SIK3: variants seen among roughly 807,000 people sequenced by gnomAD.
The protein encoded by SIK3 is SIK family kinase 3.
Under a neutral mutation model 144.2 loss-of-function variants are expected in SIK3, and 28 were observed. The ratio of observed to expected loss-of-function variants is 0.19; its 90% CI spans 0.14 to 0.27. SIK3 has a LOEUF of 0.27. Ranked by LOEUF, SIK3 falls within the 10% of genes least tolerant of loss-of-function variation. SIK3 has a pLI of 1.00. For missense variants in SIK3, 1,319 were observed against 1,776.0 expected (o/e 0.74, Z 4.62); for synonymous variants, 686 against 676.3 (o/e 1.01, Z -0.22).
At chr11:117,023,621 A>AAATATATATATATATAT (rs754624841) in intron 1 of SIK3, among the ~76,000 whole-genome samples, 20 of 95,410 alleles carry the variant, frequency 2.1e-4, no homozygotes, top group African/African-American at 7.8e-4. Flanking sequence ...AAAAAAAAAA[A>AAATATATATATATATAT]ATATATATAT....
chr11:116,877,072 C>T, intron 6 of SIK3, 30 bp from the exon 7 acceptor site: 1 of 1,602,480 alleles, frequency 6.2e-7, no homozygotes, highest in Non-Finnish European at 8.6e-7. Flanking sequence ...TGCCTTCAGT[C>T]TCTGGTGAGG....
intron 1 of SIK3, among the ~76,000 whole-genome samples, chr11:117,084,066 G>T (rs1954902330): frequency 6.6e-6 from 1 of 152,048 alleles, no homozygotes; most frequent in African/African-American, 2.4e-5. Flanking sequence ...TAACAGCTTT[G>T]ACTTCTTTAT....
chr11:116,875,743 A>G (rs906115681), intron 9 of SIK3, 123 bp downstream of exon 9: 1 of 1,217,438 alleles, frequency 8.2e-7, no homozygotes, highest in Non-Finnish European at 1.1e-6. Flanking sequence ...AGAGATGACA[A>G]ATGGGAGGAG....
At chr11:117,031,568 C>G (rs891027725) in intron 1 of SIK3, among the ~76,000 whole-genome samples, 1 of 151,074 alleles carries the variant, frequency 6.6e-6, no homozygotes, top group South Asian at 2.1e-4. Context: ...GTTTCCCAGG[C>G]TGGAGTGCAA....
chr11:116,938,602 A>G (rs1298770906), intron 3 of SIK3, among the ~76,000 whole-genome samples: 267 of 12,548 alleles, frequency 0.021, 4 homozygotes, highest in African/African-American at 0.037. Flanking sequence ...AGAGGGGAGG[A>G]GAGGAGAGGA....
chr11:116,900,980 T>C (rs1344739441), intron 4 of SIK3, among the ~76,000 whole-genome samples: 3 of 152,112 alleles, frequency 2.0e-5, no homozygotes, highest in Non-Finnish European at 4.4e-5. Context: ...TTCTCCTGCC[T>C]CAGCCTCCCA....
chr11:116,995,533 G>A (rs1284122351), intron 1 of SIK3, among the ~76,000 whole-genome samples: 2 of 151,964 alleles, frequency 1.3e-5, no homozygotes, highest in Admixed American at 6.6e-5. Context: ...CAAAGTGCTG[G>A]GATTACAGGT....
At chr11:116,898,244 G>A (rs924424334) in intron 4 of SIK3, among the ~76,000 whole-genome samples, 65 of 151,962 alleles carry the variant, frequency 4.3e-4, no homozygotes, top group Non-Finnish European at 8.2e-4. Context: ...TTGTTCTTGC[G>A]ATAGTTTACT....
chr11:117,053,359 G>C (rs572812172), intron 1 of SIK3, among the ~76,000 whole-genome samples: 115 of 150,292 alleles, frequency 7.7e-4, no homozygotes, highest in African/African-American at 2.7e-3. Flanking sequence ...AAAAAGTAAA[G>C]TGGCAAATGC....
intron 1 of SIK3, among the ~76,000 whole-genome samples, chr11:117,091,442 G>A (rs187702464): frequency 1.1e-3 from 169 of 152,120 alleles, no homozygotes; most frequent in Non-Finnish European, 2.0e-3. Context: ...CTGACCTCAG[G>A]TGATCCACCT....
chr11:117,019,506 T>C (rs1344500427), intron 1 of SIK3, among the ~76,000 whole-genome samples: 2 of 152,184 alleles, frequency 1.3e-5, no homozygotes, highest in Admixed American at 1.3e-4. Context: ...AATTACTAAG[T>C]AAATTTTAAA....
chr11:116,873,948 C>T lies in SIK3; in HGVS notation c.1536G>A (p.Leu512=). The change falls in exon 12 of 25, where the codon CTG becomes CTA. Residue 512 remains leucine, a synonymous_variant. Coordinates refer to ENST00000445177, the MANE Select transcript of SIK3 (RefSeq NM_001366686.3). ...TTGGTTGCAAGTTTTGCATAGGCAA[C>T]AGGTTGTGCATGAAGTTCACATTAG... ...VAPNVNFMHN[L]LPMQNLQPTG... 1 of 1,613,926 alleles carries T rather than the reference C, an allele frequency of 6.2e-7. No individual in the cohort carries two copies. Among genetic ancestry groups the T allele is most frequent in the Non-Finnish European group, 8.5e-7 (1 of 1,179,958 alleles).
chr11:117,027,332 A>G (rs568278222), intron 1 of SIK3, among the ~76,000 whole-genome samples: 2 of 152,320 alleles, frequency 1.3e-5, no homozygotes, highest in Admixed American at 6.5e-5. Flanking sequence ...CAAAAATAAT[A>G]TGGAACACTA....
chr11:117,098,068 AC>A, intron 1 of SIK3, 74 bp downstream of exon 1: 6 of 1,195,934 alleles, frequency 5.0e-6, no homozygotes, highest in Non-Finnish European at 6.2e-6. Context: ...CGCCGCCCCG[AC>A]CCCCCGGCTG....
intron 11 of SIK3, among the ~76,000 whole-genome samples, chr11:116,874,319 T>C (rs371539894): frequency 2.0e-5 from 3 of 152,176 alleles, no homozygotes; most frequent in African/African-American, 7.2e-5. Flanking sequence ...CAAGAGGAAA[T>C]AGTGGCACCA....
rs573071321 is a variant in SIK3 at position 116,866,482 on chromosome 11, C to G, written c.1952+1464G>C. 2.6e-5 allele frequency among the ~76,000 whole-genome samples: 4 copies of G among 152,206 alleles called. No individual in the cohort carries two copies. The East Asian group carries it at 7.7e-4, about 29-fold the overall frequency. Reference sequence around the variant, plus strand: ...ATTGAGACGGAGTCTCACTCTGTTGCCCAGGCTGGAGTGCAGTGGCATGAT... The same window carrying G: ...ATTGAGACGGAGTCTCACTCTGTTGGCCAGGCTGGAGTGCAGTGGCATGAT... On this transcript the variant is annotated intron_variant, in intron 15 of 24. Transcript: ENST00000445177.
Position 116,956,839 on chromosome 11 carries a change from G to A in SIK3, c.390+109C>T, listed in dbSNP as rs553937261. On this transcript the variant is annotated intron_variant, in intron 2 of 24. Coordinates refer to ENST00000445177, the MANE Select transcript of SIK3 (RefSeq NM_001366686.3). ...TAGGAAAGATAGCAGGATTAACATA[G>A]AAACAAAAAAAGTCACAGATGTTCA... 3 of 610,400 alleles carry A rather than the reference G, an allele frequency of 4.9e-6. No individual in the cohort carries two copies. In the East Asian group the frequency reaches 8.8e-5, roughly 18 times the overall value. 37.8% of individuals were successfully genotyped at this position (610,400 alleles called of 1,614,324 possible). A position where few individuals can be genotyped will look rare whatever the true frequency, so the allele number is the denominator to read the frequency against.
intron 1 of SIK3, among the ~76,000 whole-genome samples, chr11:116,994,505 A>G (rs539401800): frequency 1.1e-4 from 17 of 152,314 alleles, no homozygotes; most frequent in Middle Eastern, 6.8e-3. Flanking sequence ...GGTGAGGATT[A>G]TAACAATATC....
chr11:116,896,219 C>T, intron 6 of SIK3, 34 bp downstream of exon 6: 1 of 1,609,444 alleles, frequency 6.2e-7, no homozygotes, highest in Non-Finnish European at 8.5e-7. Flanking sequence ...CTTTCATGAA[C>T]CCATTCATAG....
Sources: gnomAD v4.1 joint callset for allele counts (sites outside exome capture counted in the v4.1 genomes callset) on GRCh38, gnomAD v4.1.1 for gene constraint, MANE v1.5 for transcripts, NCBI Gene and HGNC (gene_info 2026-07-23, HGNC 2026-07-21) for gene names.